TDRD12: variants seen among roughly 807,000 people sequenced by gnomAD.
The protein encoded by TDRD12 is putative ATP-dependent RNA helicase TDRD12.
A neutral mutation model predicts 133.5 loss-of-function variants in TDRD12; 158 were observed. The ratio of observed to expected loss-of-function variants is 1.18; its 90% CI spans 1.04 to 1.35. The LOEUF (loss-of-function observed/expected upper bound fraction) is 1.35. Ranked by LOEUF, TDRD12 falls within the 40% of genes most tolerant of loss-of-function variation. TDRD12 has a pLI of 0.00. For missense variants in TDRD12, 1,443 were observed against 1,321.3 expected, an observed-to-expected ratio of 1.09 and a Z score of -1.43; for synonymous variants, 460 against 477.9, an observed-to-expected ratio of 0.96 and a Z score of 0.49.
At chr19:32,804,912 T>C (rs2145711020) in intron 21 of TDRD12, among the ~76,000 whole-genome samples, 1 of 151,760 alleles carries the variant, frequency 6.6e-6, no homozygotes, top group East Asian at 2.0e-4. Context: ...AAAAAAGTTG[T>C]CTATTTCAAG....
At chr19:32,789,999 T>C (rs1971021573) in intron 11 of TDRD12, among the ~76,000 whole-genome samples, 1 of 150,516 alleles carries the variant, frequency 6.6e-6, no homozygotes, top group Non-Finnish European at 1.5e-5. Flanking sequence ...CGAAACTCCA[T>C]CTCAAAAAAA....
At position 32,794,625 on chromosome 19, in the gene TDRD12, T is replaced by A. The variant is rs1304203264; in HGVS notation, c.1288-3T>A. On this transcript the variant is annotated splice_region_variant and splice_polypyrimidine_tract_variant and intron_variant, in intron 13 of 27. Coordinates refer to ENST00000444215, the Ensembl canonical transcript of TDRD12. ...TTGGTTTCTGGTTGTTTCTGTTTTG[T>A]AGGCTCTTCAAAGAAATAAGTTTCC... 1 of 702,128 alleles carries A rather than the reference T, an allele frequency of 1.4e-6. No homozygotes were observed. The highest frequency in any genetic ancestry group is 2.0e-5 in the Admixed American group (1 of 49,854). The allele number at this position is 702,128 out of a possible 1,614,324, so 43.5% of individuals were successfully genotyped here. A position where few individuals can be genotyped will look rare whatever the true frequency, so the allele number is the denominator to read the frequency against.
At chr19:32,736,743 C>G (rs1330581294) in intron 2 of TDRD12, among the ~76,000 whole-genome samples, 1 of 152,242 alleles carries the variant, frequency 6.6e-6, no homozygotes, top group East Asian at 1.9e-4. Context: ...AGCTCTCCTG[C>G]TGGACTGCTT....
rs1240192411 is a variant in TDRD12 at position 32,803,224 on chromosome 19, A to C, written c.2552+82A>C. On this transcript the variant is annotated intron_variant, in intron 21 of 27. Coordinates refer to ENST00000444215, the Ensembl canonical transcript of TDRD12. ...AGCTGTTGCAATGTGGTGAATTGTC[A>C]TGTATCTAGAAGCCACCACCCACTC... 8 of 1,104,178 alleles carry C rather than the reference A, an allele frequency of 7.2e-6. No homozygotes were observed. In the South Asian group the frequency reaches 1.3e-4, roughly 18 times the overall value. The allele number at this position is 1,104,178 out of a possible 1,614,324, so 68.4% of individuals were successfully genotyped here.
chr19:32,798,841 A>T (rs1971304511), intron 16 of TDRD12, among the ~76,000 whole-genome samples: 1 of 152,216 alleles, frequency 6.6e-6, no homozygotes. Flanking sequence ...AGATACATAT[A>T]GTTAATAACA....
chr19:32,800,770 A>G, exon 18 of TDRD12: 1 of 1,530,028 alleles, frequency 6.5e-7, no homozygotes, highest in Non-Finnish European at 8.7e-7. Context: ...AATAGTGTGT[A>G]AGGTGAGTCC....
intron 25 of TDRD12, among the ~76,000 whole-genome samples, chr19:32,814,842 A>G (rs757260315): frequency 2.8e-4 from 42 of 152,168 alleles, no homozygotes; most frequent in Non-Finnish European, 4.7e-4. Context: ...TCACCTAGGA[A>G]GGGGCCCCAG....
intron 26 of TDRD12, among the ~76,000 whole-genome samples, chr19:32,816,386 T>G (rs1345367802): frequency 7.9e-5 from 12 of 152,204 alleles, no homozygotes; most frequent in Non-Finnish European, 1.5e-5. Flanking sequence ...TCCCCAGTTT[T>G]GCACTTTGTT....
chr19:32,791,810 T>A (rs6510294), intron 13 of TDRD12, among the ~76,000 whole-genome samples: 2 of 151,692 alleles, frequency 1.3e-5, no homozygotes, highest in African/African-American at 4.8e-5. Flanking sequence ...CCTGCTTGCC[T>A]CCCTGCCTTT....
exon 14 of TDRD12, chr19:32,794,641 A>G (rs1202672137): frequency 1.4e-6 from 1 of 702,452 alleles, no homozygotes; most frequent in South Asian, 1.5e-5. Flanking sequence ...CTTCAAAGAA[A>G]TAAGTTTCCG....
intron 4 of TDRD12, among the ~76,000 whole-genome samples, chr19:32,744,499 CAAAAAAAAAA>C (rs10644749): frequency 2.6e-5 from 1 of 38,090 alleles, no homozygotes; most frequent in Non-Finnish European, 4.6e-5. Context: ...GACTCCGTCT[CAAAAAAAAAA>C]AAAAAAAAAA....
In TDRD12 at chr19:32,809,201, G is replaced by C. The variant is rs181342570; in HGVS notation, c.2653-892G>C. On this transcript the variant is annotated intron_variant, in intron 22 of 27. Coordinates refer to ENST00000444215, the Ensembl canonical transcript of TDRD12. Reference sequence around the variant, plus strand: ...TGTTCCCCTCCTGAACTGTTACCTGGTTTTCTCTTCCTTCATCCCTCCTGT... The same window carrying C: ...TGTTCCCCTCCTGAACTGTTACCTGCTTTTCTCTTCCTTCATCCCTCCTGT... Among the ~76,000 whole-genome samples the C allele has an allele frequency of 1.9e-4, 29 of 152,196 alleles. No homozygotes were observed. The Middle Eastern group carries it at 0.01, about 54-fold the overall frequency.
chr19:32,741,994 A>T (rs1166029819), intron 3 of TDRD12, among the ~76,000 whole-genome samples: 2 of 152,196 alleles, frequency 1.3e-5, no homozygotes, highest in East Asian at 3.8e-4. Flanking sequence ...CTTTTGTGCA[A>T]AGTTGGCAAA....
chr19:32,770,367 T>G (rs967283459), intron 8 of TDRD12, among the ~76,000 whole-genome samples: 4 of 152,116 alleles, frequency 2.6e-5, no homozygotes, highest in East Asian at 3.9e-4. Context: ...ATTTTCTGCC[T>G]CCTCTTGAAT....
chr19:32,826,820 T>A, intron 9 of TDRD12, 71 bp downstream of exon 32: 1 of 983,160 alleles, frequency 1.0e-6, no homozygotes, highest in Non-Finnish European at 1.3e-6. Context: ...CATCACCCAC[T>A]TAGGAATTCA....
At chr19:32,796,986 T>TC (rs113580820) in intron 14 of TDRD12, among the ~76,000 whole-genome samples, 9,394 of 150,628 alleles carry the variant, frequency 0.062, 508 homozygotes, top group East Asian at 0.23. Context: ...TTCGTCTTTT[T>TC]TTTTTTTTTT....
chr19:32,726,742 A>G (rs1472427695), intron 1 of TDRD12, among the ~76,000 whole-genome samples: 7 of 152,156 alleles, frequency 4.6e-5, no homozygotes, highest in Non-Finnish European at 1.0e-4. Context: ...GTCTCTTAAA[A>G]AAACAAATAT....
chr19:32,765,590 G>T (rs1970272113), intron 8 of TDRD12, among the ~76,000 whole-genome samples: 1 of 152,132 alleles, frequency 6.6e-6, no homozygotes, highest in African/African-American at 2.4e-5. Flanking sequence ...GCTTTGTAGG[G>T]ACATGGATGA....
chr19:32,749,773 A>T lies in TDRD12; in HGVS notation c.497-11A>T. 2 of 1,534,546 alleles carry T rather than the reference A, an allele frequency of 1.3e-6. No individual in the cohort carries two copies. The highest frequency in any genetic ancestry group is 8.8e-7 in the Non-Finnish European group (1 of 1,134,720). ...CATCAGCTGATTTGTGTTTTCATTTATGCTATTTAGCAACTACCCAGGTGG... is the reference window on the plus strand; with the variant it reads ...CATCAGCTGATTTGTGTTTTCATTTTTGCTATTTAGCAACTACCCAGGTGG... On this transcript the variant is annotated splice_polypyrimidine_tract_variant and intron_variant, in intron 5 of 27. Transcript: ENST00000444215.
Sources: allele counts gnomAD v4.1 joint callset (sites outside exome capture counted in the v4.1 genomes callset), GRCh38; gene constraint gnomAD v4.1.1; transcripts MANE v1.5; gene names NCBI Gene and HGNC (gene_info 2026-07-23, HGNC 2026-07-21).